The following RANBP2 variants were observed in gnomAD, a reference collection of about 807,000 sequenced individuals.
The protein encoded by RANBP2 is RAN binding protein 2, also known as E3 SUMO-protein ligase RanBP2.
RANBP2 carries 57 observed loss-of-function variants against 303.6 expected under a neutral mutation model. The ratio of observed to expected loss-of-function variants is 0.19; its 90% CI spans 0.15 to 0.23. The LOEUF is 0.23. Among genes scored for constraint, RANBP2 ranks in the 10% least tolerant of loss-of-function variants. RANBP2 has a pLI of 1.00. For missense variants in RANBP2, 3,138 were observed against 3,780.8 expected (o/e 0.83, Z 4.46); for synonymous variants, 1,167 against 1,301.5 (o/e 0.90, Z 2.23).
chr2:109,392,705 T>C, the RANBP2 span, among the ~76,000 whole-genome samples: 10 of 151,498 alleles, frequency 6.6e-5, no homozygotes, highest in South Asian at 4.2e-4. Context: ...TCAGTAGAGA[T>C]GGGGTTTCAC....
At chr2:109,259,619 A>G in the RANBP2 span, among the ~76,000 whole-genome samples, 1 of 152,242 alleles carries the variant, frequency 6.6e-6, no homozygotes, top group Non-Finnish European at 1.5e-5. Flanking sequence ...TTATTTATGG[A>G]GAAGTTGGTG....
the RANBP2 span, among the ~76,000 whole-genome samples, chr2:109,466,634 TA>T: frequency 3.3e-5 from 5 of 152,318 alleles, no homozygotes; most frequent in African/African-American, 1.2e-4. Flanking sequence ...GTGTTTTATC[TA>T]AAAAGGCACC....
chr2:108,877,764 T>C, the RANBP2 span, among the ~76,000 whole-genome samples: 1 of 152,166 alleles, frequency 6.6e-6, no homozygotes, highest in African/African-American at 2.4e-5. Context: ...AAGAACTGCA[T>C]GTACAGATTG....
At chr2:109,487,134 T>C in the RANBP2 span, among the ~76,000 whole-genome samples, 1 of 152,310 alleles carries the variant, frequency 6.6e-6, no homozygotes, top group African/African-American at 2.4e-5. Context: ...TCCTGAACAT[T>C]GCTTGCTTAC....
At chr2:109,051,325 T>C in the RANBP2 span, among the ~76,000 whole-genome samples, 1 of 152,224 alleles carries the variant, frequency 6.6e-6, no homozygotes, top group African/African-American at 2.4e-5. Flanking sequence ...CTGGCTTTTT[T>C]GTCTGTGTTT....
At chr2:109,060,234 A>G in the RANBP2 span, among the ~76,000 whole-genome samples, 1 of 152,214 alleles carries the variant, frequency 6.6e-6, no homozygotes, top group Non-Finnish European at 1.5e-5. Context: ...GGAGAATTTA[A>G]TAATACACAT....
At chr2:109,014,314 A>G in the RANBP2 span, among the ~76,000 whole-genome samples, 14 of 152,068 alleles carry the variant, frequency 9.2e-5, no homozygotes, top group African/African-American at 3.1e-4. Flanking sequence ...GGTGGCCAAA[A>G]CCCAATTTGA....
the RANBP2 span, among the ~76,000 whole-genome samples, chr2:109,227,705 C>T: frequency 6.6e-6 from 1 of 152,218 alleles, no homozygotes; most frequent in Non-Finnish European, 1.5e-5. Context: ...TCACAGGATC[C>T]ACTTCTCTGC....
At chr2:109,135,578 G>A in the RANBP2 span, among the ~76,000 whole-genome samples, 2 of 152,194 alleles carry the variant, frequency 1.3e-5, no homozygotes, top group African/African-American at 2.4e-5. Flanking sequence ...GCACACCTCA[G>A]AGTGCCTGCT....
the RANBP2 span, among the ~76,000 whole-genome samples, chr2:109,040,738 C>G: frequency 6.6e-6 from 1 of 152,132 alleles, no homozygotes; most frequent in African/African-American, 2.4e-5. Flanking sequence ...ACCTCTTGAT[C>G]TCAAATTTTA....
the RANBP2 span, among the ~76,000 whole-genome samples, chr2:109,179,660 G>T: frequency 6.6e-6 from 1 of 152,116 alleles, no homozygotes; most frequent in Non-Finnish European, 1.5e-5. Flanking sequence ...GCTAGCTAAG[G>T]TCTCTCTTCC....
the RANBP2 span, among the ~76,000 whole-genome samples, chr2:109,420,517 C>T: frequency 0.047 from 7,228 of 152,210 alleles, 481 homozygotes; most frequent in African/African-American, 0.15. Flanking sequence ...GCGATCCCGG[C>T]TCACTGCAAG....
the RANBP2 span, among the ~76,000 whole-genome samples, chr2:109,189,154 A>T: frequency 1.3e-5 from 2 of 151,786 alleles, no homozygotes; most frequent in Admixed American, 1.3e-4. Context: ...GACCTCGCTG[A>T]CAGTGTTGTG....
the RANBP2 span, among the ~76,000 whole-genome samples, chr2:109,668,943 A>G: frequency 4.6e-5 from 7 of 152,216 alleles, no homozygotes; most frequent in Non-Finnish European, 1.0e-4. Context: ...TGGAGTTATC[A>G]TACTACTTGA....
the RANBP2 span, chr2:108,805,117 G>T: frequency 1.7e-5 from 8 of 478,650 alleles, no homozygotes; most frequent in Admixed American, 4.4e-5. Context: ...AGAAAATTTG[G>T]ATTACATTTG....
chr2:109,523,230 A>G, the RANBP2 span, among the ~76,000 whole-genome samples: 1 of 152,114 alleles, frequency 6.6e-6, no homozygotes, highest in Non-Finnish European at 1.5e-5. Flanking sequence ...CAGTTTTTGC[A>G]TATCATGTGG....
the RANBP2 span, chr2:109,129,194 C>T: frequency 6.2e-6 from 3 of 485,504 alleles, no homozygotes; most frequent in African/African-American, 4.1e-5. Context: ...GCGCGAGCCG[C>T]CGCTTGCAGC....
the RANBP2 span, among the ~76,000 whole-genome samples, chr2:109,377,729 G>A: frequency 5.3e-5 from 8 of 152,192 alleles, no homozygotes; most frequent in Admixed American, 2.0e-4. Context: ...AATGATGATA[G>A]CGTGCCTCAT....
At chr2:109,262,819 A>T in the RANBP2 span, among the ~76,000 whole-genome samples, 1 of 152,106 alleles carries the variant, frequency 6.6e-6, no homozygotes, top group Non-Finnish European at 1.5e-5. Flanking sequence ...TTATTTTCAT[A>T]CAAGACTTTC....
Sources: allele counts gnomAD v4.1 joint callset (sites outside exome capture counted in the v4.1 genomes callset), GRCh38; gene constraint gnomAD v4.1.1; transcripts MANE v1.5; gene names NCBI Gene and HGNC (gene_info 2026-07-23, HGNC 2026-07-21).